Variants in LINGO2 observed in about 807,000 individuals in gnomAD.
LINGO2 encodes leucine-rich repeat and immunoglobulin-like domain-containing nogo receptor-interacting protein 2.
A neutral mutation model predicts 30.6 loss-of-function variants in LINGO2; 14 were observed. The observed-to-expected ratio is 0.46, with a 90% CI of 0.30 to 0.72. The LOEUF (loss-of-function observed/expected upper bound fraction) is 0.72. Among genes scored for constraint, LINGO2 ranks in the 30% least tolerant of loss-of-function variants. LINGO2 has a pLI of 0.07. For missense variants in LINGO2, 729 were observed against 751.7 expected (o/e 0.97, Z 0.35); for synonymous variants, 317 against 288.5 (o/e 1.10, Z -1.00).
chr9:28,373,525 G>T (rs915134590), intron 2 of LINGO2, among the ~76,000 whole-genome samples: 1 of 151,884 alleles, frequency 6.6e-6, no homozygotes, highest in African/African-American at 2.4e-5. Context: ...CCCAAACGAT[G>T]TTTTTTTTAG....
At chr9:28,264,739 G>A (rs750829970) in intron 4 of LINGO2, among the ~76,000 whole-genome samples, 7 of 151,932 alleles carry the variant, frequency 4.6e-5, no homozygotes, top group East Asian at 1.9e-4. Flanking sequence ...TAAAATGTGA[G>A]TGATAATCTC....
At chr9:29,191,156 A>G in the LINGO2 span, among the ~76,000 whole-genome samples, 2 of 152,212 alleles carry the variant, frequency 1.3e-5, no homozygotes, top group African/African-American at 4.8e-5. Flanking sequence ...TCAATAAGAA[A>G]ATAGGACACC....
chr9:28,685,750 T>A, the LINGO2 span, among the ~76,000 whole-genome samples: 4 of 152,160 alleles, frequency 2.6e-5, no homozygotes, highest in Non-Finnish European at 5.9e-5. Context: ...AAAAATAATC[T>A]ACAGATATGG....
intron 4 of LINGO2, among the ~76,000 whole-genome samples, chr9:28,273,226 T>C (rs1240559120): frequency 6.6e-6 from 1 of 152,178 alleles, no homozygotes; most frequent in East Asian, 1.9e-4. Context: ...GATTCTTTAT[T>C]TTATACCCAA....
the LINGO2 span, among the ~76,000 whole-genome samples, chr9:28,794,324 C>CA: frequency 6.6e-5 from 10 of 151,842 alleles, no homozygotes; most frequent in East Asian, 2.0e-4. Context: ...AAAACAAAAC[C>CA]AAAACACACA....
the LINGO2 span, among the ~76,000 whole-genome samples, chr9:28,681,963 A>G: frequency 6.6e-6 from 1 of 152,100 alleles, no homozygotes; most frequent in African/African-American, 2.4e-5. Context: ...ACACATCAAG[A>G]AGCAGAGATT....
At chr9:28,349,989 C>T (rs1179880773) in intron 3 of LINGO2, among the ~76,000 whole-genome samples, 1 of 152,044 alleles carries the variant, frequency 6.6e-6, no homozygotes, top group Non-Finnish European at 1.5e-5. Flanking sequence ...TAAAAGAGCT[C>T]CTGAAGGAAG....
intron 4 of LINGO2, among the ~76,000 whole-genome samples, chr9:28,065,903 C>T (rs551420341): frequency 1.3e-5 from 2 of 152,138 alleles, no homozygotes; most frequent in South Asian, 2.1e-4. Context: ...TTCACAAGTA[C>T]AGGGAACAAC....
intron 4 of LINGO2, among the ~76,000 whole-genome samples, chr9:28,188,772 G>T (rs1819636346): frequency 6.6e-6 from 1 of 152,054 alleles, no homozygotes; most frequent in Non-Finnish European, 1.5e-5. Context: ...AATAAATAAT[G>T]CTATTCCTAC....
chr9:28,685,869 T>TTGCACCA, the LINGO2 span, among the ~76,000 whole-genome samples: 4 of 152,096 alleles, frequency 2.6e-5, no homozygotes, highest in African/African-American at 9.7e-5. Flanking sequence ...GACTACTCAC[T>TTGCACCA]TGCACCATTA....
At chr9:28,888,137 G>A in the LINGO2 span, among the ~76,000 whole-genome samples, 1 of 152,036 alleles carries the variant, frequency 6.6e-6, no homozygotes, top group Non-Finnish European at 1.5e-5. Context: ...GTATGACTAT[G>A]AGTAGAGTCT....
At chr9:29,169,550 C>G in the LINGO2 span, among the ~76,000 whole-genome samples, 1 of 152,024 alleles carries the variant, frequency 6.6e-6, no homozygotes, top group Non-Finnish European at 1.5e-5. Context: ...CACTAATCAT[C>G]AGAGAAATGC....
intron 4 of LINGO2, among the ~76,000 whole-genome samples, chr9:28,189,273 A>G (rs186545084): frequency 1.0e-3 from 48 of 46,546 alleles, no homozygotes; most frequent in African/African-American, 1.2e-3. Context: ...GGGAGGGAGG[A>G]AGGGAGGGAG....
At chr9:28,101,799 C>T (rs759367621) in intron 4 of LINGO2, among the ~76,000 whole-genome samples, 11 of 152,120 alleles carry the variant, frequency 7.2e-5, no homozygotes, top group Non-Finnish European at 1.5e-4. Context: ...CATTCCCCTG[C>T]CATCAAAACT....
chr9:28,706,103 C>A, the LINGO2 span, among the ~76,000 whole-genome samples: 2 of 152,096 alleles, frequency 1.3e-5, no homozygotes, highest in Admixed American at 1.3e-4. Flanking sequence ...TTTATAACCT[C>A]ACGCTAGGAA....
intron 5 of LINGO2, among the ~76,000 whole-genome samples, chr9:27,951,562 C>T (rs1335686885): frequency 6.6e-6 from 1 of 151,878 alleles, no homozygotes; most frequent in Admixed American, 6.6e-5. Context: ...TCAGTGGACC[C>T]GTTAAAGTGA....
intron 1 of LINGO2, among the ~76,000 whole-genome samples, chr9:28,480,048 G>A (rs1825898377): frequency 6.7e-6 from 1 of 149,132 alleles, no homozygotes; most frequent in East Asian, 2.0e-4. Flanking sequence ...GATAGATTAT[G>A]TAATGCTATG....
the LINGO2 span, among the ~76,000 whole-genome samples, chr9:28,927,850 G>A: frequency 6.6e-6 from 1 of 152,188 alleles, no homozygotes; most frequent in Non-Finnish European, 1.5e-5. Flanking sequence ...GACATTCATT[G>A]AAGTTAAGTC....
chr9:28,393,987 T>A (rs1821941926), intron 2 of LINGO2, among the ~76,000 whole-genome samples: 1 of 126,902 alleles, frequency 7.9e-6, no homozygotes, highest in South Asian at 2.5e-4. Context: ...GTTGATAACT[T>A]GTACTAACCT....
Sources: gnomAD v4.1 joint callset for allele counts (sites outside exome capture counted in the v4.1 genomes callset) on GRCh38, gnomAD v4.1.1 for gene constraint, MANE v1.5 for transcripts, NCBI Gene and HGNC (gene_info 2026-07-23, HGNC 2026-07-21) for gene names.